TRAPPC8: variants seen among roughly 807,000 people sequenced by gnomAD.
The protein encoded by TRAPPC8 is general sporulation gene 1 homolog.
Under a neutral mutation model 174.3 loss-of-function variants are expected in TRAPPC8, and 54 were observed. That is an observed-to-expected ratio of 0.31 (90% CI 0.25 to 0.39). TRAPPC8 has a LOEUF of 0.39. Among genes scored for constraint, TRAPPC8 ranks in the 10% least tolerant of loss-of-function variants. The pLI, the probability that TRAPPC8 is intolerant of heterozygous loss-of-function variation, is 1.00. For synonymous variants in TRAPPC8, 630 were observed against 579.9 expected (o/e 1.09, Z -1.24); for missense variants, 1,531 against 1,699.1 (o/e 0.90, Z 1.74).
chr18:31,935,423 A>G (rs1055058297), intron 1 of TRAPPC8, among the ~76,000 whole-genome samples: 6 of 145,650 alleles, frequency 4.1e-5, no homozygotes, highest in African/African-American at 1.3e-4. Flanking sequence ...CGCTGCACCC[A>G]GTGGCTCAAG....
chr18:31,835,842 C>T (rs1188687702), intron 27 of TRAPPC8, among the ~76,000 whole-genome samples: 1 of 152,166 alleles, frequency 6.6e-6, no homozygotes, highest in Admixed American at 6.6e-5. Context: ...TGTGCTTTTG[C>T]AATGTGGCTC....
rs929839331 is a variant in TRAPPC8 at position 31,829,683 on chromosome 18, T to C, written c.*1072A>G. 5 of 152,252 alleles carry C rather than the reference T, an allele frequency of 3.3e-5. No individual in the cohort carries two copies. Among genetic ancestry groups the C allele is most frequent in the African/African-American group, 7.2e-5 (3 of 41,446 alleles). 9.4% of individuals were successfully genotyped at this position (152,252 alleles called of 1,614,324 possible). A position where few individuals can be genotyped will look rare whatever the true frequency, so the allele number is the denominator to read the frequency against. On this transcript the variant is annotated 3_prime_UTR_variant, in exon 29 of 29. Coordinates refer to ENST00000283351, the MANE Select transcript of TRAPPC8 (RefSeq NM_014939.5). ...CCGAGATTGAGACTGGAACAAACCA[T>C]GGTAGCTGTCAATGGCACAAGGACC... is the stretch of plus-strand genomic sequence containing the variant.
At chr18:31,911,922 G>A (rs909324429) in intron 5 of TRAPPC8, among the ~76,000 whole-genome samples, 5 of 149,146 alleles carry the variant, frequency 3.4e-5, no homozygotes, top group Non-Finnish European at 7.4e-5. Flanking sequence ...AGTGACTCTC[G>A]ATTATCTGAA....
In TRAPPC8 at chr18:31,837,424, T is replaced by C. The variant is rs554605959; in HGVS notation, c.3983+1888A>G. Reference sequence around the variant, plus strand: ...TCAGAAACTATTCTATGGCTGAGCGTGGTGGCTCACGCCTGTGATCCCAGC... The same window carrying C: ...TCAGAAACTATTCTATGGCTGAGCGCGGTGGCTCACGCCTGTGATCCCAGC... On this transcript the variant is annotated intron_variant, in intron 27 of 28. Coordinates refer to ENST00000283351, the MANE Select transcript of TRAPPC8 (RefSeq NM_014939.5). Among the ~76,000 whole-genome samples, 10 of 152,116 alleles carry C rather than the reference T, an allele frequency of 6.6e-5. No individual in the cohort carries two copies. In the South Asian group the frequency reaches 1.7e-3, roughly 25 times the overall value.
chr18:31,871,176 AT>A, intron 14 of TRAPPC8, 56 bp from the exon 15 acceptor site: 1 of 1,050,932 alleles, frequency 9.5e-7, no homozygotes, highest in Non-Finnish European at 1.3e-6. Context: ...AATAAAACAT[AT>A]TTTAAATAGA....
Position 31,897,778 on chromosome 18 carries a change from T to C in TRAPPC8, c.1596+8A>G, listed in dbSNP as rs1485490702. ...CTAATTAAAGCAAATACTACACAGTTTCAGTACCTCACTGGTCAACCGTAT... is the reference window on the plus strand; with the variant it reads ...CTAATTAAAGCAAATACTACACAGTCTCAGTACCTCACTGGTCAACCGTAT... On this transcript the variant is annotated splice_region_variant and intron_variant, in intron 11 of 28. Transcript: ENST00000283351. 6.4e-6 allele frequency: 10 copies of C among 1,572,738 alleles called. No individual in the cohort carries two copies. The African/African-American group carries it at 1.4e-4, about 21-fold the overall frequency.
chr18:31,872,899 G>GT (rs1236857445), intron 14 of TRAPPC8, among the ~76,000 whole-genome samples: 5 of 146,814 alleles, frequency 3.4e-5, no homozygotes, highest in African/African-American at 1.3e-4. Context: ...CAACTGTTTT[G>GT]TTTTCATTTC....
chr18:31,868,682 A>T (rs28491210), intron 16 of TRAPPC8, among the ~76,000 whole-genome samples: 122 of 151,422 alleles, frequency 8.1e-4, no homozygotes, highest in African/African-American at 2.6e-3. Flanking sequence ...TTATTTATTT[A>T]TTTTTTATTG....
intron 12 of TRAPPC8, among the ~76,000 whole-genome samples, chr18:31,876,965 C>T (rs969774536): frequency 1.3e-5 from 2 of 152,198 alleles, no homozygotes; most frequent in African/African-American, 4.8e-5. Context: ...CACCGCACCA[C>T]CAGATCCCTA....
At chr18:31,875,143 G>GA (rs991388012) in intron 12 of TRAPPC8, among the ~76,000 whole-genome samples, 1 of 151,894 alleles carries the variant, frequency 6.6e-6, no homozygotes, top group Non-Finnish European at 1.5e-5. Context: ...ATATGATGAT[G>GA]AAAAAAATGT....
chr18:31,858,408 T>A (rs888059657), intron 19 of TRAPPC8, among the ~76,000 whole-genome samples: 9 of 152,180 alleles, frequency 5.9e-5, no homozygotes, highest in Non-Finnish European at 1.2e-4. Flanking sequence ...ATATGCCAGA[T>A]TTACTATGGG....
chr18:31,853,792 G>GGCC, intron 22 of TRAPPC8, 57 bp downstream of exon 22: 1 of 1,318,948 alleles, frequency 7.6e-7, no homozygotes, highest in Non-Finnish European at 1.1e-6. Flanking sequence ...GTACTATTCT[G>GGCC]GAAAACCAAG....
At chr18:31,905,955 A>C (rs748132172) in intron 9 of TRAPPC8, among the ~76,000 whole-genome samples, 3 of 152,186 alleles carry the variant, frequency 2.0e-5, no homozygotes, top group Non-Finnish European at 2.9e-5. Context: ...TTGTGATTTC[A>C]TATTAGCTTA....
chr18:31,855,845 CAG>C (rs752710053), intron 20 of TRAPPC8, 38 bp from the exon 21 acceptor site: 2 of 1,561,406 alleles, frequency 1.3e-6, no homozygotes, highest in African/African-American at 2.9e-5. Flanking sequence ...CATTTAAGCA[CAG>C]AGTCTCTATG....
chr18:31,892,229 G>A lies in TRAPPC8; in HGVS notation c.1597-1363C>T, dbSNP rs7226494. Among the ~76,000 whole-genome samples the A allele has an allele frequency of 9.7e-3, 1,483 of 152,246 alleles. 23 individuals are homozygous for A. The highest frequency in any genetic ancestry group is 0.033 in the African/African-American group (1,373 of 41,530). ...TTTGCCAGAGTAACTATTCTTTACA[G>A]CTTAATAGTGTTGTGTCATGTCACC... On this transcript the variant is annotated intron_variant, in intron 11 of 28. Coordinates refer to ENST00000283351, the MANE Select transcript of TRAPPC8 (RefSeq NM_014939.5).
At chr18:31,851,288 C>G (rs1228179301) in intron 24 of TRAPPC8, among the ~76,000 whole-genome samples, 1 of 152,064 alleles carries the variant, frequency 6.6e-6, no homozygotes, top group Non-Finnish European at 1.5e-5. Flanking sequence ...ATATAATCAA[C>G]CAGAGCTTTA....
In TRAPPC8 at chr18:31,857,698, A is replaced by T. The variant is rs747716614; in HGVS notation, c.3030T>A (p.Ser1010Arg). Residue 1010 changes from serine (S) to arginine (R), a missense_variant, in exon 20 of 29, where the codon AGT (serine) becomes AGA (arginine). Transcript: ENST00000283351. ...GGGGAACAGGAATCACCTCTGGTTG[A>T]CTTCCTGTGCCAATGCCAAAGTCTA... ...SSVDFGIGTG[S>R]QPEVIPVPLP... The T allele has an allele frequency of 1.9e-6, 3 of 1,614,010 alleles. No individual in the cohort carries two copies. Among genetic ancestry groups the T allele is most frequent in the Non-Finnish European group, 2.5e-6 (3 of 1,180,024 alleles).
chr18:31,924,318 G>A (rs528341151), intron 2 of TRAPPC8, among the ~76,000 whole-genome samples: 45 of 151,372 alleles, frequency 3.0e-4, no homozygotes, highest in African/African-American at 9.0e-4. Context: ...GTTGGGCGTC[G>A]TGGTGGGCGC....
At chr18:31,880,651 C>A (rs1429339487) in intron 12 of TRAPPC8, among the ~76,000 whole-genome samples, 5 of 151,966 alleles carry the variant, frequency 3.3e-5, no homozygotes, top group Non-Finnish European at 5.9e-5. Flanking sequence ...GAAGTCCTAG[C>A]CACAGCAATC....
Sources: allele counts gnomAD v4.1 joint callset (sites outside exome capture counted in the v4.1 genomes callset), GRCh38; gene constraint gnomAD v4.1.1; transcripts MANE v1.5; gene names NCBI Gene and HGNC (gene_info 2026-07-23, HGNC 2026-07-21).